Variants in AKAP7 observed in about 807,000 individuals in gnomAD.
The protein encoded by AKAP7 is A kinase (PRKA) anchor protein 7.
In AKAP7, 39 loss-of-function variants were observed where a neutral mutation model predicts 39.5. The ratio of observed to expected loss-of-function variants is 0.99; its 90% CI spans 0.76 to 1.29. The LOEUF is 1.29. AKAP7 is among the 50% of genes most tolerant of loss of function. AKAP7 has a pLI of 0.00. For synonymous variants in AKAP7, 140 were observed against 139.1 expected (o/e 1.01, Z -0.05); for missense variants, 414 against 407.7 (o/e 1.02, Z -0.13).
intron 1 of AKAP7, among the ~76,000 whole-genome samples, chr6:131,141,822 C>T (rs1389682845): frequency 6.6e-6 from 1 of 152,000 alleles, no homozygotes. Context: ...TGTGTCCATG[C>T]CCTAGGGATC....
chr6:131,206,651 G>A (rs1741731093), intron 6 of AKAP7, among the ~76,000 whole-genome samples: 1 of 152,110 alleles, frequency 6.6e-6, no homozygotes. Flanking sequence ...TACTAGGTTG[G>A]TTGAATTCAG....
At chr6:131,148,266 A>G (rs539316309) in intron 2 of AKAP7, among the ~76,000 whole-genome samples, 52 of 152,326 alleles carry the variant, frequency 3.4e-4, no homozygotes, top group Non-Finnish European at 5.7e-4. Context: ...TTCAGGCTTT[A>G]TGAGTTAAAA....
At chr6:131,192,545 A>G (rs73633672) in intron 5 of AKAP7, among the ~76,000 whole-genome samples, 3,868 of 152,200 alleles carry the variant, frequency 0.025, 164 homozygotes, top group African/African-American at 0.087. Context: ...TTGTTCTCTC[A>G]GGATAATTTT....
At chr6:131,234,066 T>C (rs965044006) in intron 7 of AKAP7, among the ~76,000 whole-genome samples, 7 of 152,186 alleles carry the variant, frequency 4.6e-5, no homozygotes, top group African/African-American at 1.7e-4. Flanking sequence ...TAGGATTCAT[T>C]GATACTGCCT....
At chr6:131,151,387 T>C (rs1205685826) in intron 2 of AKAP7, among the ~76,000 whole-genome samples, 3 of 151,588 alleles carry the variant, frequency 2.0e-5, no homozygotes, top group Non-Finnish European at 2.9e-5. Flanking sequence ...TAAGGTTTTT[T>C]TTTTTTTTAA....
intron 6 of AKAP7, among the ~76,000 whole-genome samples, chr6:131,208,595 CA>C (rs1341895404): frequency 6.6e-6 from 1 of 152,160 alleles, no homozygotes; most frequent in Non-Finnish European, 1.5e-5. Context: ...GAATATCTGT[CA>C]GGGTTTTATG....
intron 1 of AKAP7, among the ~76,000 whole-genome samples, chr6:131,141,259 T>A (rs1801000850): frequency 1.3e-5 from 2 of 152,206 alleles, no homozygotes; most frequent in African/African-American, 2.4e-5. Context: ...CCTGTGATAA[T>A]GAGTTCAGAA....
chr6:131,174,958 G>T (rs1479044058), intron 5 of AKAP7, among the ~76,000 whole-genome samples: 1 of 151,342 alleles, frequency 6.6e-6, no homozygotes, highest in Non-Finnish European at 1.5e-5. Flanking sequence ...TCCTCCAGAA[G>T]TTTACTACTA....
chr6:131,174,544 G>A lies in AKAP7; in HGVS notation c.589+5271G>A, dbSNP rs115282725. Among the ~76,000 whole-genome samples the A allele has an allele frequency of 8.3e-3, 1,264 of 152,360 alleles. 11 individuals carry two copies. The highest frequency in any genetic ancestry group is 0.027 in the African/African-American group (1,112 of 41,594). On this transcript the variant is annotated intron_variant, in intron 5 of 7. Transcript: ENST00000431975. Reference sequence around the variant, plus strand: ...GGGCCTGGAGGTTACAGTGAGCCATGATTGTGCCACTACACTCTAGCCTGG... The same window carrying A: ...GGGCCTGGAGGTTACAGTGAGCCATAATTGTGCCACTACACTCTAGCCTGG...
intron 7 of AKAP7, among the ~76,000 whole-genome samples, chr6:131,274,270 G>C (rs182654015): frequency 9.2e-5 from 14 of 152,110 alleles, no homozygotes; most frequent in African/African-American, 2.4e-4. Flanking sequence ...GGGATTCTTT[G>C]AGTTTCTCGA....
At chr6:131,185,010 T>G in intron 5 of AKAP7, 1 of 758,256 alleles carries the variant, frequency 1.3e-6, no homozygotes, top group South Asian at 1.4e-5. Flanking sequence ...CAGGAAGTCA[T>G]CTGGTTCTAG....
chr6:131,177,198 G>A (rs945914831), intron 5 of AKAP7, among the ~76,000 whole-genome samples: 1 of 152,082 alleles, frequency 6.6e-6, no homozygotes, highest in East Asian at 1.9e-4. Context: ...AACCTATGAG[G>A]TATGGGCTGT....
At chr6:131,143,258 G>A (rs983792993) in intron 1 of AKAP7, among the ~76,000 whole-genome samples, 11 of 151,700 alleles carry the variant, frequency 7.3e-5, no homozygotes, top group South Asian at 6.2e-4. Context: ...TCCAAATCCC[G>A]TGTTGAGATG....
intron 7 of AKAP7, among the ~76,000 whole-genome samples, chr6:131,249,426 T>A (rs1392255006): frequency 1.3e-5 from 2 of 152,188 alleles, no homozygotes; most frequent in African/African-American, 4.8e-5. Context: ...TTTGTTTGGA[T>A]GATCATGAAA....
At chr6:131,210,305 C>T (rs1006990966) in intron 6 of AKAP7, among the ~76,000 whole-genome samples, 8 of 152,208 alleles carry the variant, frequency 5.3e-5, no homozygotes, top group African/African-American at 1.9e-4. Context: ...CAATTGGTTA[C>T]TCTAGTAAAT....
chr6:131,177,020 G>A (rs1423905658), intron 5 of AKAP7, among the ~76,000 whole-genome samples: 1 of 152,114 alleles, frequency 6.6e-6, no homozygotes, highest in East Asian at 1.9e-4. Context: ...GTTTGCATAT[G>A]CCTCCAAGCA....
At chr6:131,145,256 C>CT (rs773131304) in intron 1 of AKAP7, 29 bp from the exon 2 acceptor site, 112 of 1,333,928 alleles carry the variant, frequency 8.4e-5, no homozygotes, top group South Asian at 2.3e-4. Context: ...TTAAATAATC[C>CT]TTTTTTTTCT....
intron 6 of AKAP7, chr6:131,199,899 G>A (rs1308008808): frequency 3.5e-6 from 1 of 288,102 alleles, no homozygotes; most frequent in African/African-American, 2.3e-5. Context: ...TCTTGCTTGT[G>A]GTTATTTGCA....
At chr6:131,266,494 C>T (rs1338898210) in intron 7 of AKAP7, among the ~76,000 whole-genome samples, 1 of 152,072 alleles carries the variant, frequency 6.6e-6, no homozygotes, top group African/African-American at 2.4e-5. Flanking sequence ...TTCAAAGAAC[C>T]TTAATAAACA....
Sources: gnomAD v4.1 joint callset for allele counts (sites outside exome capture counted in the v4.1 genomes callset) on GRCh38, gnomAD v4.1.1 for gene constraint, MANE v1.5 for transcripts, NCBI Gene and HGNC (gene_info 2026-07-23, HGNC 2026-07-21) for gene names.